Variants in KIF2A observed in about 807,000 individuals in gnomAD.
KIF2A encodes kinesin family member 2A.
A neutral mutation model predicts 100.2 loss-of-function variants in KIF2A; 22 were observed. The observed-to-expected ratio is 0.22, with a 90% CI of 0.16 to 0.31. The LOEUF is 0.31. Ranked by LOEUF, KIF2A falls within the 10% of genes least tolerant of loss-of-function variation. KIF2A has a pLI of 1.00. For synonymous variants in KIF2A, 268 were observed against 285.9 expected (o/e 0.94, Z 0.63); for missense variants, 495 against 898.7 (o/e 0.55, Z 5.74).
intron 20 of KIF2A, among the ~76,000 whole-genome samples, chr5:62,382,847 G>C (rs995980585): frequency 4.0e-5 from 6 of 151,510 alleles, no homozygotes; most frequent in African/African-American, 1.2e-4. Flanking sequence ...GGCTGGTCTT[G>C]AACTCCTCAC....
chr5:62,365,183 A>C (rs1741010675), intron 14 of KIF2A, 60 bp from the exon 15 acceptor site: 1 of 808,488 alleles, frequency 1.2e-6, no homozygotes, highest in African/African-American at 1.8e-5. Flanking sequence ...AAAATATGTT[A>C]ATTAAGATTA....
chr5:62,334,424 C>A (rs1746824597), intron 1 of KIF2A, among the ~76,000 whole-genome samples: 1 of 151,894 alleles, frequency 6.6e-6, no homozygotes, highest in South Asian at 2.1e-4. Flanking sequence ...CCCTCACTAT[C>A]TCCCTCTTCC....
chr5:62,363,396 T>C (rs920663851), intron 13 of KIF2A, 76 bp downstream of exon 13: 1 of 1,294,376 alleles, frequency 7.7e-7, no homozygotes, highest in Non-Finnish European at 1.1e-6. Context: ...ATGAGGATGT[T>C]ATCTATCAAT....
At chr5:62,364,358 G>A (rs985095924) in intron 14 of KIF2A, among the ~76,000 whole-genome samples, 3 of 152,040 alleles carry the variant, frequency 2.0e-5, no homozygotes, top group Non-Finnish European at 4.4e-5. Flanking sequence ...ATGTTGGCTA[G>A]GCTGGTCTTG....
rs1741411142 is a variant in KIF2A at position 62,373,602 on chromosome 5, A to AT, written c.1761-83dup. On this transcript the variant is annotated intron_variant, in intron 17 of 20. Coordinates refer to ENST00000407818, the MANE Select transcript of KIF2A (RefSeq NM_001098511.3). ...TCATCAATCTTAGTATGTTAACTGAATTGCGTGTATATTGAATAGGCTGGT... is the reference window on the plus strand; with the variant it reads ...TCATCAATCTTAGTATGTTAACTGAATTTGCGTGTATATTGAATAGGCTGGT... 47 of 922,526 alleles carry AT rather than the reference A, an allele frequency of 5.1e-5. No individual in the cohort carries two copies. The Middle Eastern group carries it at 8.7e-4, about 17-fold the overall frequency. 57.1% of individuals were successfully genotyped at this position (922,526 alleles called of 1,614,324 possible). A position where few individuals can be genotyped will look rare whatever the true frequency, so the allele number is the denominator to read the frequency against.
intron 1 of KIF2A, among the ~76,000 whole-genome samples, chr5:62,314,049 C>A (rs781257108): frequency 1.3e-5 from 2 of 152,134 alleles, no homozygotes; most frequent in Non-Finnish European, 2.9e-5. Flanking sequence ...TCTTTGGCCT[C>A]CCAAAGTACT....
chr5:62,350,062 A>T lies in KIF2A; in HGVS notation c.280-4A>T. Reference sequence around the variant, plus strand: ...AACATAATGAACATTTTTTCCTTTCATAGAATCGACGGACTGTAGCTTCTA... The same window carrying T: ...AACATAATGAACATTTTTTCCTTTCTTAGAATCGACGGACTGTAGCTTCTA... On this transcript the variant is annotated splice_region_variant and splice_polypyrimidine_tract_variant and intron_variant, in intron 3 of 20. Coordinates refer to ENST00000407818, the MANE Select transcript of KIF2A (RefSeq NM_001098511.3). 6.3e-7 allele frequency: 1 copy of T among 1,582,170 alleles called. No individual in the cohort carries two copies. The highest frequency in any genetic ancestry group is 1.8e-5 in the Admixed American group (1 of 55,864).
At chr5:62,384,281 C>T (rs1288427413) in intron 20 of KIF2A, among the ~76,000 whole-genome samples, 1 of 152,062 alleles carries the variant, frequency 6.6e-6, no homozygotes, top group East Asian at 1.9e-4. Context: ...TTTGAGAGCA[C>T]CAAATCTAGA....
At chr5:62,325,285 G>A (rs1746317639) in intron 1 of KIF2A, among the ~76,000 whole-genome samples, 1 of 151,860 alleles carries the variant, frequency 6.6e-6, no homozygotes, top group African/African-American at 2.4e-5. Context: ...CACTATGCCC[G>A]GCTAATTTTT....
At chr5:62,327,191 G>A (rs1411289485) in intron 1 of KIF2A, among the ~76,000 whole-genome samples, 4 of 151,966 alleles carry the variant, frequency 2.6e-5, no homozygotes, top group Admixed American at 2.0e-4. Context: ...TTTAAAGATC[G>A]GGACTTCTAC....
intron 15 of KIF2A, 48 bp from the exon 16 acceptor site, chr5:62,366,366 G>T: frequency 1.7e-6 from 2 of 1,183,096 alleles, no homozygotes; most frequent in South Asian, 2.6e-5. Flanking sequence ...TTATTGTCTT[G>T]ATCATTTATA....
chr5:62,332,932 GTA>G (rs1181300176), intron 1 of KIF2A, among the ~76,000 whole-genome samples: 1 of 152,170 alleles, frequency 6.6e-6, no homozygotes, highest in Non-Finnish European at 1.5e-5. Context: ...GGCTAAACAA[GTA>G]TATGAGAGGC....
In KIF2A at chr5:62,373,709, C is replaced by G; in HGVS notation, c.1783C>G (p.Pro595Ala). 6.2e-7 allele frequency: 1 copy of G among 1,613,494 alleles called. No homozygotes were observed. Among genetic ancestry groups the G allele is most frequent in the Non-Finnish European group, 8.5e-7 (1 of 1,179,512 alleles). Residue 595 changes from proline (P) to alanine (A), a missense_variant, in exon 18 of 21, where the codon CCA becomes GCA. Physicochemically the swap from Pro to Ala is conservative, Grantham distance 27. This residue lies in a region of KIF2A where 100 missense variants were observed against 138.2 expected (regional missense o/e 0.72). Transcript: ENST00000407818. ...VTRVKELTVD[P>A]TAAGDVRPIM... ...TAGGGTCAAAGAATTGACTGTAGAT[C>G]CAACTGCTGCTGGTGATGTTCGTCC...
chr5:62,366,750 G>A (rs941483176), intron 16 of KIF2A, among the ~76,000 whole-genome samples: 1 of 151,212 alleles, frequency 6.6e-6, no homozygotes, highest in East Asian at 1.9e-4. Flanking sequence ...AGAATGGCCT[G>A]AACCCGGGAG....
At chr5:62,361,656 A>G (rs900576207) in intron 11 of KIF2A, 127 bp downstream of exon 11, 8 of 575,102 alleles carry the variant, frequency 1.4e-5, no homozygotes, top group Non-Finnish European at 1.8e-5. Flanking sequence ...TATGTCAATT[A>G]TAGGTTATTA....
At chr5:62,350,866 C>T (rs1282526345) in intron 4 of KIF2A, among the ~76,000 whole-genome samples, 1 of 149,672 alleles carries the variant, frequency 6.7e-6, no homozygotes, top group East Asian at 2.0e-4. Context: ...AAGCCAAGAT[C>T]GCACGACTGC....
chr5:62,320,533 T>C (rs1746045044), intron 1 of KIF2A, among the ~76,000 whole-genome samples: 1 of 151,742 alleles, frequency 6.6e-6, no homozygotes, highest in South Asian at 2.1e-4. Context: ...ATTTGCTAGC[T>C]TGGATTGTGA....
At chr5:62,352,422 AATT>A (rs1747898131) in intron 4 of KIF2A, among the ~76,000 whole-genome samples, 163 bp from the exon 5 acceptor site, 1 of 152,066 alleles carries the variant, frequency 6.6e-6, no homozygotes, top group Non-Finnish European at 1.5e-5. Flanking sequence ...TATTGAACAG[AATT>A]ATTATAAACT....
In KIF2A at chr5:62,361,227, C is replaced by T. The variant is rs964907986; in HGVS notation, c.873-15C>T. The T allele has an allele frequency of 4.9e-6, 7 of 1,422,854 alleles. No individual in the cohort carries two copies. The African/African-American group carries it at 5.6e-5, about 11-fold the overall frequency. The allele number at this position is 1,422,854 out of a possible 1,614,324, so 88.1% of individuals were successfully genotyped here. A position where few individuals can be genotyped will look rare whatever the true frequency, so the allele number is the denominator to read the frequency against. On this transcript the variant is annotated splice_polypyrimidine_tract_variant and intron_variant, in intron 9 of 20. Coordinates refer to ENST00000407818, the MANE Select transcript of KIF2A (RefSeq NM_001098511.3). Reference sequence around the variant, plus strand: ...TATTGGTGACACATTCTGACTGATGCATTTTATTTTTAAGGTTTACTGCTA... The same window carrying T: ...TATTGGTGACACATTCTGACTGATGTATTTTATTTTTAAGGTTTACTGCTA...
Sources: allele counts gnomAD v4.1 joint callset (sites outside exome capture counted in the v4.1 genomes callset), GRCh38; gene constraint gnomAD v4.1.1; regional missense constraint gnomAD v4.1.1; transcripts MANE v1.5; gene names NCBI Gene and HGNC (gene_info 2026-07-23, HGNC 2026-07-21).